Variants in KIF26B observed in about 807,000 individuals in gnomAD.
KIF26B encodes the protein kinesin-like protein KIF26B.
In KIF26B, 63 loss-of-function variants were observed where a neutral mutation model predicts 151.2. The ratio of observed to expected loss-of-function variants is 0.42; its 90% CI spans 0.34 to 0.51. The LOEUF (loss-of-function observed/expected upper bound fraction) is 0.51. KIF26B is among the 20% of genes least tolerant of loss of function. The probability of loss-of-function intolerance (pLI) is 0.07; values close to 1 mark genes in which losing one functional copy is unlikely to be tolerated. For missense variants in KIF26B, 2,813 were observed against 2,913.6 expected (o/e 0.97, Z 0.79); for synonymous variants, 1,357 against 1,262.1 (o/e 1.08, Z -1.59).
chr1:245,253,228 C>G (rs1383231176), intron 2 of KIF26B, among the ~76,000 whole-genome samples: 1 of 151,936 alleles, frequency 6.6e-6, no homozygotes, highest in Non-Finnish European at 1.5e-5. Flanking sequence ...GGGCTGGTCT[C>G]AAACTCCTGA....
chr1:245,430,741 GAC>G (rs1463619638), intron 4 of KIF26B, among the ~76,000 whole-genome samples: 2 of 152,088 alleles, frequency 1.3e-5, no homozygotes, highest in African/African-American at 4.8e-5. Context: ...CTGAGTTCTT[GAC>G]ACACATTTAA....
At chr1:245,640,143 C>CTCTCTCTCTCTCTATATATATATA in intron 9 of KIF26B, among the ~76,000 whole-genome samples, 2 of 31,924 alleles carry the variant, frequency 6.3e-5, no homozygotes, top group Non-Finnish European at 1.2e-4. Context: ...CTCTCTCTCT[C>CTCTCTCTCTCTCTATATATATATA]TATATATATA....
At chr1:245,420,919 G>A (rs1458802092) in intron 4 of KIF26B, among the ~76,000 whole-genome samples, 2 of 152,196 alleles carry the variant, frequency 1.3e-5, no homozygotes, top group African/African-American at 4.8e-5. Flanking sequence ...TGGATGATGG[G>A]ACCCTAAAGG....
intron 2 of KIF26B, among the ~76,000 whole-genome samples, chr1:245,282,047 G>A (rs1362185559): frequency 6.6e-6 from 1 of 152,044 alleles, no homozygotes; most frequent in Non-Finnish European, 1.5e-5. Flanking sequence ...GGGATGTGAA[G>A]GACCTCTTCA....
chr1:245,400,024 G>A (rs920512765), intron 3 of KIF26B, among the ~76,000 whole-genome samples: 7 of 152,016 alleles, frequency 4.6e-5, no homozygotes, highest in African/African-American at 1.7e-4. Flanking sequence ...TAGTATCTAC[G>A]CTAAGAAAAA....
chr1:245,590,294 C>T (rs887756932), intron 5 of KIF26B, among the ~76,000 whole-genome samples: 1 of 147,590 alleles, frequency 6.8e-6, no homozygotes, highest in Non-Finnish European at 1.5e-5. Context: ...GGTTTGTGCC[C>T]CCGGGGCGGC....
intron 4 of KIF26B, among the ~76,000 whole-genome samples, chr1:245,465,158 TTAG>T (rs1267905138): frequency 5.6e-4 from 85 of 152,124 alleles, no homozygotes; most frequent in Non-Finnish European, 9.7e-4. Context: ...TTTTGTATTT[TTAG>T]TAGAGACGGG....
In KIF26B at chr1:245,250,004, A is replaced by T. The variant is rs563853029; in HGVS notation, c.465+93321A>T. 2.6e-5 allele frequency among the ~76,000 whole-genome samples: 4 copies of T among 152,340 alleles called. No individual in the cohort carries two copies. In the East Asian group the frequency reaches 7.7e-4, roughly 29 times the overall value. On this transcript the variant is annotated intron_variant, in intron 2 of 14. Coordinates refer to ENST00000407071, the MANE Select transcript of KIF26B (RefSeq NM_018012.4). ...TCCAAATATCTATCAAATTTTAAAAATTATGAAACATATTAAAAAATTTAA... is the reference window on the plus strand; with the variant it reads ...TCCAAATATCTATCAAATTTTAAAATTTATGAAACATATTAAAAAATTTAA...
At chr1:245,487,477 G>A (rs1301640057) in intron 4 of KIF26B, among the ~76,000 whole-genome samples, 2 of 152,222 alleles carry the variant, frequency 1.3e-5, no homozygotes, top group African/African-American at 2.4e-5. Context: ...AAGCTTCACA[G>A]TGTGCCTTCA....
intron 9 of KIF26B, among the ~76,000 whole-genome samples, chr1:245,617,959 C>T (rs965474682): frequency 6.6e-6 from 1 of 152,128 alleles, no homozygotes; most frequent in African/African-American, 2.4e-5. Context: ...TCCTCCTGCC[C>T]CTTCTGCCTC....
Position 245,367,005 on chromosome 1 carries a change from C to T in KIF26B, c.637C>T (p.His213Tyr), listed in dbSNP as rs773585578. ...LTLEQAAGSE[H>Y]YDASPCSPPP... The stretch of plus-strand genomic sequence containing the variant: ...GTTGGAGCAGGCAGCCGGCAGTGAG[C>T]ACTACGACGCCTCGCCCTGCTCCCC... The change falls in exon 3 of 15, where the codon CAC becomes TAC. Residue 213 changes from histidine (H) to tyrosine (Y), a missense_variant. By Grantham distance (83) the His-to-Tyr change is moderately conservative (BLOSUM62 2). Transcript: ENST00000407071. The surrounding 1 kb of genome is among the most constrained non-coding windows in gnomAD (Gnocchi z 4.2). 1 of 1,613,498 alleles carries T rather than the reference C, an allele frequency of 6.2e-7. No individual in the cohort carries two copies. The highest frequency in any genetic ancestry group is 8.5e-7 in the Non-Finnish European group (1 of 1,179,734).
At chr1:245,546,807 C>T (rs1661751426) in intron 5 of KIF26B, among the ~76,000 whole-genome samples, 1 of 152,192 alleles carries the variant, frequency 6.6e-6, no homozygotes, top group African/African-American at 2.4e-5. Context: ...AGCCTGATAG[C>T]TTTGTAAATT....
intron 4 of KIF26B, among the ~76,000 whole-genome samples, chr1:245,502,842 A>G (rs562651420): frequency 5.5e-4 from 83 of 151,928 alleles, no homozygotes; most frequent in Admixed American, 1.7e-3. Context: ...TATTAATTGG[A>G]AAAGAAGCTT....
intron 2 of KIF26B, among the ~76,000 whole-genome samples, chr1:245,336,578 T>A (rs1369467649): frequency 6.6e-6 from 1 of 152,214 alleles, no homozygotes; most frequent in Non-Finnish European, 1.5e-5. Context: ...TTTGCTTCTC[T>A]GCAGGCTCGT....
intron 2 of KIF26B, among the ~76,000 whole-genome samples, chr1:245,238,971 A>G (rs1670164428): frequency 6.6e-6 from 1 of 152,220 alleles, no homozygotes; most frequent in African/African-American, 2.4e-5. Flanking sequence ...GGGTGTTGGT[A>G]GCAAACTCTC....
chr1:245,282,339 A>G (rs1434298074), intron 2 of KIF26B, among the ~76,000 whole-genome samples: 3 of 152,208 alleles, frequency 2.0e-5, no homozygotes, highest in African/African-American at 4.8e-5. Context: ...ACCTGACTTC[A>G]AAGTTTTCGT....
chr1:245,173,372 G>A (rs559452008), intron 2 of KIF26B, among the ~76,000 whole-genome samples: 2 of 152,220 alleles, frequency 1.3e-5, no homozygotes, highest in South Asian at 2.1e-4. Context: ...TTTACTGGGC[G>A]CACACACACG....
At chr1:245,169,061 G>A (rs770425472) in intron 2 of KIF26B, among the ~76,000 whole-genome samples, 2 of 152,248 alleles carry the variant, frequency 1.3e-5, no homozygotes, top group African/African-American at 4.8e-5. Flanking sequence ...TCCAGAGCGC[G>A]TGATGGCTTT....
chr1:245,478,353 G>T (rs1304095912), intron 4 of KIF26B, among the ~76,000 whole-genome samples: 2 of 151,164 alleles, frequency 1.3e-5, no homozygotes, highest in Non-Finnish European at 3.0e-5. Flanking sequence ...CTGCCGAGGA[G>T]TGGAAGGACT....
Sources: allele counts gnomAD v4.1 joint callset (sites outside exome capture counted in the v4.1 genomes callset), GRCh38; gene constraint gnomAD v4.1.1; non-coding constraint Gnocchi (gnomAD v3.1); transcripts MANE v1.5; gene names NCBI Gene and HGNC (gene_info 2026-07-23, HGNC 2026-07-21).